Variants in ADCK5 observed in about 807,000 individuals in gnomAD.
ADCK5 encodes the protein uncharacterized aarF domain-containing protein kinase 5.
A neutral mutation model predicts 64.9 loss-of-function variants in ADCK5; 43 were observed. The observed-to-expected ratio is 0.66, with a 90% CI of 0.52 to 0.85. The LOEUF (loss-of-function observed/expected upper bound fraction) is 0.85, where lower values mean the gene tolerates loss of function less well. Ranked by LOEUF, ADCK5 falls within the 40% of genes least tolerant of loss-of-function variation. ADCK5 has a pLI of 0.00. For missense variants in ADCK5, 760 were observed against 810.5 expected (o/e 0.94, Z 0.76); for synonymous variants, 434 against 342.8 (o/e 1.27, Z -2.94).
At chr8:144,387,017 G>C (rs1300348424) in intron 3 of ADCK5, among the ~76,000 whole-genome samples, 1 of 152,230 alleles carries the variant, frequency 6.6e-6, no homozygotes, top group Admixed American at 6.5e-5. Context: ...CCTGGGCCAA[G>C]TGCAGGGGCC....
rs1820226284 is a variant in ADCK5 at position 144,391,501 on chromosome 8, G to A, written c.798+27G>A. 6 of 1,598,416 alleles carry A rather than the reference G, an allele frequency of 3.8e-6. No homozygotes were observed. The African/African-American group carries it at 4.0e-5, about 11-fold the overall frequency. ...TACAGCCCCACCCCTTCCCCGGCCA[G>A]CAGGAGCAAACACGTAGGCAGAGCT... On this transcript the variant is annotated intron_variant, in intron 7 of 14. Coordinates refer to ENST00000308860, the MANE Select transcript of ADCK5 (RefSeq NM_174922.5).
At chr8:144,390,126 C>G (rs1278052535) in intron 3 of ADCK5, among the ~76,000 whole-genome samples, 1 of 152,110 alleles carries the variant, frequency 6.6e-6, no homozygotes, top group Non-Finnish European at 1.5e-5. Flanking sequence ...CCACTGTGCC[C>G]AGCTCTGCAG....
Position 144,393,114 on chromosome 8 carries a change from G to C in ADCK5, c.*40G>C, listed in dbSNP as rs367710887. On this transcript the variant is annotated 3_prime_UTR_variant, in exon 15 of 15. Transcript: ENST00000308860. ...GGGCCGGCGGGGCCCTTTTCACCTT[G>C]GGCTGACGGAGGTGGCGGGGCTAGA... The C allele has an allele frequency of 2.7e-4, 400 of 1,491,616 alleles. No individual in the cohort carries two copies. The highest frequency in any genetic ancestry group is 1.6e-3 in the African/African-American group (115 of 71,450). The allele number at this position is 1,491,616 out of a possible 1,614,324, so 92.4% of individuals were successfully genotyped here. A position where few individuals can be genotyped will look rare whatever the true frequency, so the allele number is the denominator to read the frequency against.
intron 3 of ADCK5, among the ~76,000 whole-genome samples, chr8:144,388,941 G>GGCAGGTACGTGAGCTTC (rs1239238083): frequency 1.3e-5 from 2 of 152,190 alleles, no homozygotes; most frequent in Admixed American, 6.5e-5. Flanking sequence ...CCTGTCCCCA[G>GGCAGGTACGTGAGCTTC]GCAGGTACGT....
At chr8:144,379,537 G>A (rs1256462297) in intron 2 of ADCK5, 47 bp downstream of exon 2, 2 of 1,464,280 alleles carry the variant, frequency 1.4e-6, no homozygotes, top group African/African-American at 2.8e-5. Context: ...GGCAGGCATG[G>A]ATGGCGTCTG....
intron 1 of ADCK5, among the ~76,000 whole-genome samples, chr8:144,377,785 G>A (rs903995814): frequency 5.3e-5 from 8 of 152,192 alleles, no homozygotes; most frequent in South Asian, 2.1e-4. Context: ...AGTGACCTAC[G>A]TAGGCCACTC....
At chr8:144,392,930 C>A in intron 14 of ADCK5, 38 bp downstream of exon 14, 1 of 1,587,724 alleles carries the variant, frequency 6.3e-7, no homozygotes, top group Admixed American at 1.8e-5. Flanking sequence ...CGGGGGCCTG[C>A]TCCCCACCCA....
In ADCK5 at chr8:144,383,225, T is replaced by C; in HGVS notation, c.261T>C (p.Phe87=). 1 of 1,576,646 alleles carries C rather than the reference T, an allele frequency of 6.3e-7. No individual in the cohort carries two copies. The highest frequency in any genetic ancestry group is 8.6e-7 in the Non-Finnish European group (1 of 1,160,070). ...TCGTGGTGGATGGCATGGGGCGCTT[T>C]GGCAGGTAGGAGGGCCTGGCGGCAG... is the stretch of plus-strand genomic sequence containing the variant. ...MRLVVDGMGR[F]GRSLKVGLQI... Residue 87 remains phenylalanine, a synonymous_variant, in exon 3 of 15, where the codon TTT becomes TTC. Coordinates refer to ENST00000308860, the MANE Select transcript of ADCK5 (RefSeq NM_174922.5).
chr8:144,383,247 G>T lies in ADCK5; in HGVS notation c.266+17G>T, dbSNP rs1026188614. ...CTTTGGCAGGTAGGAGGGCCTGGCG[G>T]CAGGCAGGGGTTGCGGCGTGGCGGG... On this transcript the variant is annotated intron_variant, in intron 3 of 14. Coordinates refer to ENST00000308860, the MANE Select transcript of ADCK5 (RefSeq NM_174922.5). The T allele has an allele frequency of 2.4e-5, 37 of 1,553,314 alleles. No individual in the cohort carries two copies. The highest frequency in any genetic ancestry group is 3.1e-5 in the Non-Finnish European group (36 of 1,148,342).
chr8:144,391,866 C>A lies in ADCK5; in HGVS notation c.1014C>A (p.Asp338Glu). The A allele has an allele frequency of 1.5e-6, 1 of 677,320 alleles. No individual in the cohort carries two copies. Among genetic ancestry groups the A allele is most frequent in the Non-Finnish European group, 2.2e-6 (1 of 453,490 alleles). The allele number at this position is 677,320 out of a possible 1,614,324, so 42.0% of individuals were successfully genotyped here. ...GGAGCCAGGGGCTGGCAGTGCATGA[C>A]GTGAGTGCGGGGGGGCGGGGGCGGG... is the stretch of plus-strand genomic sequence containing the variant. The part of the protein sequence containing the change: ...AIRSQGLAVH[D>E]IAEKLIKAFA... The change falls in exon 9 of 15, where the codon GAC becomes GAA. Residue 338 changes from aspartate (D) to glutamate (E), a missense_variant and splice_region_variant. Asp to Glu is a conservative substitution (Grantham distance 45). This residue lies in a region of ADCK5 where 427 missense variants were observed against 518.4 expected (regional missense o/e 0.82). Coordinates refer to ENST00000308860, the MANE Select transcript of ADCK5 (RefSeq NM_174922.5).
At chr8:144,391,308 G>A (rs782259515) in intron 6 of ADCK5, 34 bp downstream of exon 6, 10 of 1,612,012 alleles carry the variant, frequency 6.2e-6, no homozygotes, top group Admixed American at 1.7e-5. Context: ...GCAGTGGGCT[G>A]GGGCGGGGCA....
chr8:144,382,522 G>A (rs1819722895), intron 2 of ADCK5, among the ~76,000 whole-genome samples: 1 of 149,756 alleles, frequency 6.7e-6, no homozygotes, highest in Non-Finnish European at 1.5e-5. Context: ...TATTCAGCAA[G>A]TATTGGGCTC....
intron 3 of ADCK5, among the ~76,000 whole-genome samples, chr8:144,388,436 A>G (rs1297096524): frequency 6.6e-6 from 1 of 152,072 alleles, no homozygotes; most frequent in Non-Finnish European, 1.5e-5. Flanking sequence ...GTTTTGTTAC[A>G]AAAGTGTTGT....
chr8:144,375,296 C>T (rs2130679060), intron 1 of ADCK5, among the ~76,000 whole-genome samples: 1 of 152,326 alleles, frequency 6.6e-6, no homozygotes, highest in South Asian at 2.1e-4. Flanking sequence ...GGTCACACAC[C>T]CTGGGAGAAG....
At chr8:144,375,776 A>AC in intron 1 of ADCK5, 1 of 624,540 alleles carries the variant, frequency 1.6e-6, no homozygotes, top group Non-Finnish European at 2.0e-6. Context: ...AGGTTCTGAC[A>AC]GGGGGCACCC....
chr8:144,388,545 A>C (rs1444846860), intron 3 of ADCK5, among the ~76,000 whole-genome samples: 1 of 152,058 alleles, frequency 6.6e-6, no homozygotes, highest in Non-Finnish European at 1.5e-5. Context: ...TGGGCGGATC[A>C]CGAGGTCGGG....
rs1819365310 is a variant in ADCK5, at chr8:144,376,373, G to A, written c.12+2266G>A. Among the ~76,000 whole-genome samples, 1 of 152,220 alleles carries A rather than the reference G, an allele frequency of 6.6e-6. No individual in the cohort carries two copies. The highest frequency in any genetic ancestry group is 6.5e-5 in the Admixed American group (1 of 15,270). On this transcript the variant is annotated intron_variant, in intron 1 of 14. Transcript: ENST00000308860. The surrounding 1 kb of genome is among the most constrained non-coding windows in gnomAD (Gnocchi z 5.1). ...TGGTGTGTGATGAGGACAGTGGCAG[G>A]ATAGGACCACGGTGAACAAGGTGGA...
intron 9 of ADCK5, 28 bp downstream of exon 9, chr8:144,391,894 A>G (rs782000085): frequency 3.9e-4 from 213 of 551,578 alleles, no homozygotes; most frequent in Non-Finnish European, 6.2e-4. Flanking sequence ...GGGGCGGGTC[A>G]GGGCGGGCTG....
In ADCK5 at chr8:144,374,236, G is replaced by T. The variant is rs548503834; in HGVS notation, c.12+129G>T. 1.4e-5 allele frequency: 12 copies of T among 888,538 alleles called. No individual in the cohort carries two copies. In the South Asian group the frequency reaches 5.3e-4, roughly 39 times the overall value. 55.0% of individuals were successfully genotyped at this position (888,538 alleles called of 1,614,324 possible). A position where few individuals can be genotyped will look rare whatever the true frequency, so the allele number is the denominator to read the frequency against. On this transcript the variant is annotated intron_variant, in intron 1 of 14. Transcript: ENST00000308860. ...TTTCCCTCTTTTTTTTTGAGGCAGG[G>T]TCTCGCTCTGTCGCCCTGGAGCGCA...
Sources: gnomAD v4.1 joint callset for allele counts (sites outside exome capture counted in the v4.1 genomes callset) on GRCh38, gnomAD v4.1.1 for gene constraint, gnomAD v4.1.1 regional missense constraint, Gnocchi (gnomAD v3.1) non-coding constraint, MANE v1.5 for transcripts, NCBI Gene and HGNC (gene_info 2026-07-23, HGNC 2026-07-21) for gene names.